MAF: variants seen among roughly 807,000 people sequenced by gnomAD.
The protein encoded by MAF is transcription factor Maf.
Under a neutral mutation model 22.0 loss-of-function variants are expected in MAF, and 10 were observed. The ratio of observed to expected loss-of-function variants is 0.45; its 90% CI spans 0.28 to 0.77. The LOEUF is 0.77. Among genes scored for constraint, MAF ranks in the 30% least tolerant of loss-of-function variants. MAF has a pLI of 0.12. For synonymous variants in MAF, 337 were observed against 255.8 expected (o/e 1.32, Z -3.03); for missense variants, 544 against 548.4 (o/e 0.99, Z 0.08).
At chr16:79,348,757 A>T in the MAF span, among the ~76,000 whole-genome samples, 33 of 152,216 alleles carry the variant, frequency 2.2e-4, no homozygotes, top group East Asian at 7.7e-4. Context: ...CTGTGTTTTG[A>T]AAAGCAATTC....
chr16:79,413,411 T>TG, the MAF span, among the ~76,000 whole-genome samples: 2 of 35,234 alleles, frequency 5.7e-5, no homozygotes, highest in Non-Finnish European at 1.3e-4. Context: ...GCCCGGCTAA[T>TG]TTTTTTTTTA....
chr16:79,557,321 G>A, the MAF span, among the ~76,000 whole-genome samples: 2 of 152,042 alleles, frequency 1.3e-5, no homozygotes, highest in Non-Finnish European at 2.9e-5. Context: ...CAGTTTGAGG[G>A]TGGAAGAGGA....
the MAF span, among the ~76,000 whole-genome samples, chr16:79,222,957 C>T: frequency 4.6e-5 from 7 of 152,110 alleles, no homozygotes; most frequent in Admixed American, 1.3e-4. Context: ...TTAGACATAT[C>T]GACGAGACAG....
chr16:79,245,050 C>G, the MAF span, among the ~76,000 whole-genome samples: 511 of 152,002 alleles, frequency 3.4e-3, 12 homozygotes, highest in East Asian at 0.024. Flanking sequence ...TCCTTACACT[C>G]TATACAAAAA....
the MAF span, among the ~76,000 whole-genome samples, chr16:79,240,454 C>G: frequency 6.8e-5 from 9 of 133,206 alleles, no homozygotes; most frequent in Admixed American, 7.6e-4. Context: ...AATAAAAAAC[C>G]CTTTTGCCTC....
chr16:79,411,679 T>C, the MAF span, among the ~76,000 whole-genome samples: 2 of 152,220 alleles, frequency 1.3e-5, no homozygotes, highest in Admixed American at 6.5e-5. Flanking sequence ...CCAACTACTA[T>C]CTTTATTTAC....
At chr16:79,387,230 G>GT in the MAF span, among the ~76,000 whole-genome samples, 2 of 152,214 alleles carry the variant, frequency 1.3e-5, no homozygotes, top group African/African-American at 2.4e-5. Flanking sequence ...GGGGGCCTGG[G>GT]TGCTGCTAAG....
the MAF span, among the ~76,000 whole-genome samples, chr16:79,238,863 C>G: frequency 6.6e-6 from 1 of 151,986 alleles, no homozygotes; most frequent in Non-Finnish European, 1.5e-5. Flanking sequence ...CCCCACTCTA[C>G]TTCCTGAACT....
At chr16:79,256,293 G>A in the MAF span, among the ~76,000 whole-genome samples, 3 of 151,920 alleles carry the variant, frequency 2.0e-5, no homozygotes, top group African/African-American at 7.2e-5. Context: ...CGGCCAGCTA[G>A]AGAGATGTCT....
At chr16:79,535,007 G>A in the MAF span, among the ~76,000 whole-genome samples, 7 of 152,258 alleles carry the variant, frequency 4.6e-5, no homozygotes, top group African/African-American at 1.7e-4. Flanking sequence ...TAGGTAAACT[G>A]CTCTTACATC....
At chr16:79,401,985 G>A in the MAF span, among the ~76,000 whole-genome samples, 9 of 152,148 alleles carry the variant, frequency 5.9e-5, no homozygotes, top group Non-Finnish European at 1.0e-4. Flanking sequence ...TTATAGATGA[G>A]GACCCTGAGG....
the MAF span, among the ~76,000 whole-genome samples, chr16:79,420,003 G>A: frequency 1.7e-3 from 210 of 124,142 alleles, 2 homozygotes; most frequent in Admixed American, 4.2e-3. Flanking sequence ...GGTAACACAC[G>A]GTTTTTTTTT....
the MAF span, among the ~76,000 whole-genome samples, chr16:79,367,145 T>C: frequency 5.3e-5 from 8 of 152,322 alleles, no homozygotes; most frequent in Non-Finnish European, 8.8e-5. Flanking sequence ...ACGGAAATCT[T>C]CCGTACTTTG....
chr16:79,401,630 C>T, the MAF span, among the ~76,000 whole-genome samples: 1 of 152,160 alleles, frequency 6.6e-6, no homozygotes, highest in Admixed American at 6.5e-5. Flanking sequence ...TGCCAGGGTA[C>T]CACTCTCACA....
the MAF span, among the ~76,000 whole-genome samples, chr16:79,452,693 C>T: frequency 6.6e-6 from 1 of 152,116 alleles, no homozygotes; most frequent in South Asian, 2.1e-4. Context: ...TCTTTGGAGT[C>T]AGCATGGCCA....
At chr16:79,424,418 T>C in the MAF span, among the ~76,000 whole-genome samples, 2 of 152,184 alleles carry the variant, frequency 1.3e-5, no homozygotes, top group South Asian at 2.1e-4. Flanking sequence ...CTCTCTAAGG[T>C]TGCATTATGG....
At chr16:79,559,187 G>A in the MAF span, among the ~76,000 whole-genome samples, 18 of 152,244 alleles carry the variant, frequency 1.2e-4, no homozygotes, top group African/African-American at 4.3e-4. Context: ...TCAAGAAGAT[G>A]GCTGTGGAGG....
At chr16:79,382,825 A>G in the MAF span, among the ~76,000 whole-genome samples, 1 of 152,236 alleles carries the variant, frequency 6.6e-6, no homozygotes, top group African/African-American at 2.4e-5. Context: ...GAGAGCAAGA[A>G]AAGAACTGCT....
At chr16:79,266,277 A>G in the MAF span, among the ~76,000 whole-genome samples, 1 of 152,204 alleles carries the variant, frequency 6.6e-6, no homozygotes, top group Non-Finnish European at 1.5e-5. Flanking sequence ...GTTTATGTCT[A>G]GAATTTTCCA....
Sources: allele counts gnomAD v4.1 joint callset (sites outside exome capture counted in the v4.1 genomes callset), GRCh38; gene constraint gnomAD v4.1.1; transcripts MANE v1.5; gene names NCBI Gene and HGNC (gene_info 2026-07-23, HGNC 2026-07-21).